The following MYO1C variants were observed in gnomAD, a reference collection of about 807,000 sequenced individuals.
MYO1C encodes the protein myosin IC, also known as unconventional myosin-Ic.
In MYO1C, 104 loss-of-function variants were observed where a neutral mutation model predicts 150.8. The observed-to-expected ratio is 0.69, with a 90% CI of 0.59 to 0.81. The LOEUF is 0.81. Among genes scored for constraint, MYO1C ranks in the 30% least tolerant of loss-of-function variants. The pLI is 0.00. For missense variants in MYO1C, 1,504 were observed against 1,435.0 expected (o/e 1.05, Z -0.78); for synonymous variants, 663 against 579.9 (o/e 1.14, Z -2.06).
In MYO1C at chr17:1,471,081, C is replaced by T. The variant is rs1382893547; in HGVS notation, c.2202G>A (p.Arg734=). 6 of 1,614,072 alleles carry T rather than the reference C, an allele frequency of 3.7e-6. No homozygotes were observed. The East Asian group carries it at 6.7e-5, about 18-fold the overall frequency. The change falls in exon 21 of 32, where the codon CGG becomes CGA. Residue 734 remains arginine (R), a synonymous_variant. Transcript: ENST00000648651. The part of the protein sequence containing the change: ...FATEDALEVR[R]QSLATKIQAA... ...AGGCCTCTCTCTCACCCAGGCTCTGCCGCCGGACCTCCAGGGCATCCTCTG... is the reference window on the plus strand; with the variant it reads ...AGGCCTCTCTCTCACCCAGGCTCTGTCGCCGGACCTCCAGGGCATCCTCTG...
At chr17:1,485,547 C>T in intron 1 of MYO1C, 1 of 617,730 alleles carries the variant, frequency 1.6e-6, no homozygotes, top group Non-Finnish European at 2.1e-6. Flanking sequence ...CTCCCCGCCT[C>T]GGCCTCCTCC....
chr17:1,478,348 G>A lies in MYO1C; in HGVS notation c.1295+62C>T. The stretch of plus-strand genomic sequence containing the variant: ...ACAGGGCAGGAATGAGAGGCTGGAG[G>A]ACAGAAGAGAGGGAGCAGGACAGGA... On this transcript the variant is annotated intron_variant, in intron 11 of 31. Coordinates refer to ENST00000648651, the MANE Select transcript of MYO1C (RefSeq NM_001080779.2). This position sits in a 1 kb window ranked among gnomAD's most constrained non-coding sequence, Gnocchi z 6.3. 4 of 1,599,954 alleles carry A rather than the reference G, an allele frequency of 2.5e-6. No individual in the cohort carries two copies. Among genetic ancestry groups the A allele is most frequent in the Non-Finnish European group, 3.4e-6 (4 of 1,167,192 alleles).
rs115783427 is a variant in MYO1C at position 1,492,050 on chromosome 17, A to C, written c.75+363T>G. On this transcript the variant is annotated intron_variant, in intron 1 of 31. Transcript: ENST00000648651. ...TCTGTTCTGAGTCTTGGGCGGTCCC[A>C]GCCCTGCGGACTGGAGAGGAGCGGG... 3.4e-3 allele frequency: 1,189 copies of C among 349,340 alleles called. 17 individuals carry two copies. The highest frequency in any genetic ancestry group is 0.024 in the African/African-American group (1,118 of 47,358). The allele number at this position is 349,340 out of a possible 1,614,324, so 21.6% of individuals were successfully genotyped here.
In MYO1C at chr17:1,482,917, G is replaced by A; in HGVS notation, c.490C>T (p.Pro164Ser). ...LQFYAETCPAPERGGAVRDRL... is the reference protein window; with the variant it reads ...LQFYAETCPASERGGAVRDRL... ...TCCCGCACGGCACCTCCGCGCTCGG[G>A]GGCTGGGCAGGTCTCTGCATAGAAC... The change falls in exon 4 of 32, where the codon CCC (proline) becomes TCC (serine). Residue 164 changes from proline (P) to serine (S), a missense_variant. By Grantham distance (74) the Pro-to-Ser change is moderately conservative. Coordinates refer to ENST00000648651, the MANE Select transcript of MYO1C (RefSeq NM_001080779.2). 1 of 1,611,296 alleles carries A rather than the reference G, an allele frequency of 6.2e-7. No individual in the cohort carries two copies. Among genetic ancestry groups the A allele is most frequent in the Non-Finnish European group, 8.5e-7 (1 of 1,179,802 alleles).
chr17:1,468,583 C>T, intron 25 of MYO1C, 87 bp from the exon 26 acceptor site: 1 of 1,062,396 alleles, frequency 9.4e-7, no homozygotes, highest in South Asian at 1.3e-5. Flanking sequence ...CTGAGACAGC[C>T]TCCCTCACCC....
At chr17:1,489,114 G>A (rs1378739940) in intron 1 of MYO1C, among the ~76,000 whole-genome samples, 1 of 152,242 alleles carries the variant, frequency 6.6e-6, no homozygotes, top group Non-Finnish European at 1.5e-5. Context: ...GCAGCAGAAA[G>A]GCAGCCACAG....
intron 13 of MYO1C, 106 bp from the exon 14 acceptor site, chr17:1,477,702 CA>C (rs772745417): frequency 5.5e-5 from 57 of 1,032,016 alleles, no homozygotes; most frequent in Non-Finnish European, 7.7e-5. Context: ...AGGGGCAGAT[CA>C]CAGGGAGTCT....
chr17:1,465,651 G>A lies in MYO1C; in HGVS notation c.*75C>T, dbSNP rs563141164. 214 of 1,301,776 alleles carry A rather than the reference G, an allele frequency of 1.6e-4. 3 individuals are homozygous for A. In the South Asian group the frequency reaches 3.2e-3, roughly 19 times the overall value. 80.6% of individuals were successfully genotyped at this position (1,301,776 alleles called of 1,614,324 possible). ...CCTGGGTCCCTGTCTGGAAGTTCGA[G>A]TCTTTGGTAACTGGGAAGGGGAGGA... On this transcript the variant is annotated 3_prime_UTR_variant, in exon 32 of 32. Coordinates refer to ENST00000648651, the MANE Select transcript of MYO1C (RefSeq NM_001080779.2).
rs1359712483 is a variant in MYO1C at position 1,478,012 on chromosome 17, T to TGGCACCCTCTCCCAGGGGCCCC, written c.1401+53_1402-42dup. ...GAAGGAAGGGATCACCGTGGGGTCC[T>TGGCACCCTCTCCCAGGGGCCCC]GGCACCCTCTCCCAGGGGCCCCGAT... On this transcript the variant is annotated intron_variant, in intron 12 of 31. Transcript: ENST00000648651. The surrounding 1 kb of genome is among the most constrained non-coding windows in gnomAD (Gnocchi z 6.3). 1 of 1,612,096 alleles carries TGGCACCCTCTCCCAGGGGCCCC rather than the reference T, an allele frequency of 6.2e-7. No homozygotes were observed. Among genetic ancestry groups the TGGCACCCTCTCCCAGGGGCCCC allele is most frequent in the East Asian group, 2.2e-5 (1 of 44,864 alleles).
chr17:1,471,512 AG>A (rs2074302757), intron 19 of MYO1C, among the ~76,000 whole-genome samples, 176 bp from the exon 20 acceptor site: 1 of 152,118 alleles, frequency 6.6e-6, no homozygotes, highest in South Asian at 2.1e-4. Context: ...TATCTACCTA[AG>A]GCCAAGTAAC....
At chr17:1,484,873 CCCACCCAG>C in intron 1 of MYO1C, 2 of 206,038 alleles carry the variant, frequency 9.7e-6, no homozygotes, top group Non-Finnish European at 1.8e-5. Flanking sequence ...GGCCGTCTCT[CCCACCCAG>C]ACCCACCCCC....
At chr17:1,480,377 G>A (rs1286792459) in intron 7 of MYO1C, 150 bp downstream of exon 7, 3 of 709,558 alleles carry the variant, frequency 4.2e-6, no homozygotes, top group Non-Finnish European at 7.5e-6. Context: ...GAACCCAGGA[G>A]GCGGAGGTTG....
Position 1,479,699 on chromosome 17 carries a change from G to A in MYO1C, c.913C>T (p.Leu305=), listed in dbSNP as rs1214742618. 3.1e-6 allele frequency: 5 copies of A among 1,610,366 alleles called. No homozygotes were observed. The East Asian group carries it at 1.1e-4, about 36-fold the overall frequency. ...DFTEDEVEDL[L]SIVASVLHLG... is the part of the protein sequence containing the mutation. ...TGAAGGACGCTGGCCACGATGCTCA[G>A]CAGGTCCTGGGGGAGCAGGCCGGGG... Residue 305 remains leucine, a synonymous_variant, in exon 8 of 32, where the codon CTG becomes TTG. Coordinates refer to ENST00000648651, the MANE Select transcript of MYO1C (RefSeq NM_001080779.2). The surrounding 1 kb of genome is among the most constrained non-coding windows in gnomAD (Gnocchi z 4.2).
Position 1,470,668 on chromosome 17 carries a change from C to T in MYO1C, c.2234G>A (p.Trp745Ter). ...TTTCTGCCGCCAGTGAAAGCCCCTC[C>T]AGGCAGCTTGGATCTTTGTGGCTGC... ...QSLATKIQAA[W>*]RGFHWRQKFL... The change falls in exon 22 of 32, where the codon TGG becomes TAG. Residue 745 changes from tryptophan to a stop codon, truncating the protein, a stop_gained. Transcript: ENST00000648651. LOFTEE classifies it high-confidence loss of function. The T allele has an allele frequency of 6.2e-7, 1 of 1,608,582 alleles. No homozygotes were observed. Among genetic ancestry groups the T allele is most frequent in the Non-Finnish European group, 8.5e-7 (1 of 1,179,716 alleles).
chr17:1,468,151 C>A, intron 27 of MYO1C, 28 bp from the exon 28 acceptor site: 1 of 1,612,680 alleles, frequency 6.2e-7, no homozygotes, highest in Non-Finnish European at 8.5e-7. Flanking sequence ...GCTGAAGGGG[C>A]TGGGGAGAGG....
In MYO1C at chr17:1,479,439, C is replaced by A. The variant is rs149724773; in HGVS notation, c.1084G>T (p.Gly362Trp). ...ALTHRKIIAK[G>W]EELLSPLNLE... ...CAAGGGCCCGGCCTCACCTCCTCCC[C>A]CTTGGCGATGATCTTCCTGTGTGTC... The change falls in exon 9 of 32, where the codon GGG becomes TGG. Residue 362 changes from glycine to tryptophan, a missense_variant. Gly to Trp is a radical substitution (Grantham distance 184). Coordinates refer to ENST00000648651, the MANE Select transcript of MYO1C (RefSeq NM_001080779.2). The surrounding 1 kb of genome is among the most constrained non-coding windows in gnomAD (Gnocchi z 4.2). 5 of 1,452,502 alleles carry A rather than the reference C, an allele frequency of 3.4e-6. No individual in the cohort carries two copies. The highest frequency in any genetic ancestry group is 1.9e-5 in the Admixed American group (1 of 51,460). 90.0% of individuals were successfully genotyped at this position (1,452,502 alleles called of 1,614,324 possible).
chr17:1,490,315 G>T lies in MYO1C; in HGVS notation c.75+2098C>A, dbSNP rs573124982. 5.5e-5 allele frequency among the ~76,000 whole-genome samples: 8 copies of T among 145,796 alleles called. No individual in the cohort carries two copies. In the South Asian group the frequency reaches 1.8e-3, roughly 32 times the overall value. On this transcript the variant is annotated intron_variant, in intron 1 of 31. Transcript: ENST00000648651. ...GATTGAGACCATCCTGGCTAACACG[G>T]TGAAACCCCGTCTCTACTAAAAAAA... is the stretch of plus-strand genomic sequence containing the variant.
chr17:1,466,088 T>G (rs371826920), intron 31 of MYO1C, among the ~76,000 whole-genome samples: 57 of 151,642 alleles, frequency 3.8e-4, no homozygotes, highest in African/African-American at 1.4e-3. Flanking sequence ...CGTGAGCCTG[T>G]GAGCCTGTCC....
chr17:1,484,282 G>A lies in MYO1C; in HGVS notation c.97C>T (p.Arg33Trp), dbSNP rs767997586. ...CKLALGSDGV[R>W]VTMESALTAR... ...GTGAGCGCACTCTCCATGGTCACCC[G>A]AACCCCGTCACTGCCCAGGGCCTGC... The change falls in exon 2 of 32, where the codon CGG becomes TGG. Residue 33 changes from arginine to tryptophan, a missense_variant. By Grantham distance (101) the Arg-to-Trp change is moderately radical. Transcript: ENST00000648651. 4 of 1,611,024 alleles carry A rather than the reference G, an allele frequency of 2.5e-6. No individual in the cohort carries two copies. Among genetic ancestry groups the A allele is most frequent in the South Asian group, 1.1e-5 (1 of 91,088 alleles).
Sources: allele counts gnomAD v4.1 joint callset (sites outside exome capture counted in the v4.1 genomes callset), GRCh38; gene constraint gnomAD v4.1.1; non-coding constraint Gnocchi (gnomAD v3.1); transcripts MANE v1.5; gene names NCBI Gene and HGNC (gene_info 2026-07-23, HGNC 2026-07-21).